NXPH1: variants seen among roughly 807,000 people sequenced by gnomAD.
NXPH1 encodes neurexophilin-1.
In NXPH1, 5 loss-of-function variants were observed where a neutral mutation model predicts 23.7. The observed-to-expected ratio is 0.21, with a 90% CI of 0.11 to 0.44. The LOEUF is 0.44. NXPH1 is among the 20% of genes least tolerant of loss of function. NXPH1 has a pLI of 0.99. For synonymous variants in NXPH1, 144 were observed against 122.2 expected (o/e 1.18, Z -1.18); for missense variants, 324 against 321.6 (o/e 1.01, Z -0.06).
intron 2 of NXPH1, among the ~76,000 whole-genome samples, chr7:8,702,265 G>A (rs927423275): frequency 3.3e-5 from 5 of 151,988 alleles, no homozygotes; most frequent in African/African-American, 1.2e-4. Flanking sequence ...ATCCTAGCTG[G>A]ATCATTACAT....
intron 2 of NXPH1, among the ~76,000 whole-genome samples, chr7:8,704,685 A>G (rs1779676079): frequency 6.6e-6 from 1 of 152,076 alleles, no homozygotes; most frequent in African/African-American, 2.4e-5. Flanking sequence ...TTTTTTGGTT[A>G]TAGATAATTA....
chr7:8,532,468 T>TTGGGGG (rs796667727), intron 2 of NXPH1, among the ~76,000 whole-genome samples: 1 of 20,812 alleles, frequency 4.8e-5, no homozygotes, highest in African/African-American at 1.1e-4. Flanking sequence ...ATATTTTTTT[T>TTGGGGG]GGGGGGGGGG....
At chr7:8,698,842 C>T (rs1779577010) in intron 2 of NXPH1, among the ~76,000 whole-genome samples, 1 of 152,082 alleles carries the variant, frequency 6.6e-6, no homozygotes. Context: ...GCTAATCAGC[C>T]ACTTGTGCTA....
At chr7:8,702,073 G>T (rs1306231027) in intron 2 of NXPH1, among the ~76,000 whole-genome samples, 8 of 148,646 alleles carry the variant, frequency 5.4e-5, no homozygotes, top group African/African-American at 2.0e-4. Context: ...TCTAACTTTT[G>T]TTGTCTGTGT....
rs965351622 is a variant in NXPH1, at chr7:8,527,542, G to A, written c.54+91775G>A. 2.0e-5 allele frequency among the ~76,000 whole-genome samples: 3 copies of A among 152,126 alleles called. No homozygotes were observed. The South Asian group carries it at 6.2e-4, about 31-fold the overall frequency. ...CAAGTTAGATCCACACAATCAGAAG[G>A]GGGAGACCAGTGCAATTAGTTGGGA... On this transcript the variant is annotated intron_variant, in intron 2 of 2. Transcript: ENST00000405863.
At position 8,653,300 on chromosome 7, in the gene NXPH1, T is replaced by A. The variant is rs562078570; in HGVS notation, c.55-97708T>A. ...GTTACAGTACAGTTTCATCTAAGCC[T>A]CATAGACTACATATATTTTAGCAGT... On this transcript the variant is annotated intron_variant, in intron 2 of 2. Coordinates refer to ENST00000405863, the MANE Select transcript of NXPH1 (RefSeq NM_152745.3). Among the ~76,000 whole-genome samples, 4 of 152,316 alleles carry A rather than the reference T, an allele frequency of 2.6e-5. No individual in the cohort carries two copies. The South Asian group carries it at 8.3e-4, about 32-fold the overall frequency.
intron 2 of NXPH1, among the ~76,000 whole-genome samples, chr7:8,523,779 G>A (rs942380976): frequency 1.6e-4 from 24 of 152,090 alleles, no homozygotes; most frequent in Admixed American, 1.4e-3. Flanking sequence ...CAGTTTTGAA[G>A]CCTCATCAGC....
rs112897503 is a variant in NXPH1 at position 8,470,719 on chromosome 7, G to C, written c.54+34952G>C. 3.5e-3 allele frequency among the ~76,000 whole-genome samples: 537 copies of C among 152,232 alleles called. 4 individuals are homozygous for C. The highest frequency in any genetic ancestry group is 0.014 in the Middle Eastern group (4 of 294). On this transcript the variant is annotated intron_variant, in intron 2 of 2. Transcript: ENST00000405863. ...TGGTTTACATATGTATTAGTATGATGGCTGTTTATCAAATTCTTTAAAATG... is the reference window on the plus strand; with the variant it reads ...TGGTTTACATATGTATTAGTATGATCGCTGTTTATCAAATTCTTTAAAATG...
chr7:8,541,218 T>C (rs1184172977), intron 2 of NXPH1, among the ~76,000 whole-genome samples: 1 of 151,480 alleles, frequency 6.6e-6, no homozygotes, highest in Non-Finnish European at 1.5e-5. Context: ...ATATGGAAGA[T>C]ACAAAAAAGA....
chr7:8,738,283 G>A (rs890432466), intron 2 of NXPH1, among the ~76,000 whole-genome samples: 1 of 152,216 alleles, frequency 6.6e-6, no homozygotes, highest in Non-Finnish European at 1.5e-5. Flanking sequence ...GGTCTTTGAT[G>A]TTGGTGACCT....
At chr7:8,730,170 T>G (rs1431906492) in intron 2 of NXPH1, among the ~76,000 whole-genome samples, 1 of 149,294 alleles carries the variant, frequency 6.7e-6, no homozygotes, top group Non-Finnish European at 1.5e-5. Context: ...AACCCCTGCC[T>G]TTTTTTGTTT....
chr7:8,591,048 T>A (rs10276504), intron 2 of NXPH1, among the ~76,000 whole-genome samples: 41,122 of 151,956 alleles, frequency 0.27, 6,127 homozygotes, highest in African/African-American at 0.39. Flanking sequence ...TACCAGGGAA[T>A]AGCTTAGTTT....
intron 2 of NXPH1, among the ~76,000 whole-genome samples, chr7:8,512,279 C>T (rs892593845): frequency 6.6e-6 from 1 of 152,090 alleles, no homozygotes; most frequent in Admixed American, 6.6e-5. Context: ...GAGCTAGATC[C>T]CTTATATTTT....
At chr7:8,447,507 T>C (rs1816426340) in intron 2 of NXPH1, among the ~76,000 whole-genome samples, 1 of 152,246 alleles carries the variant, frequency 6.6e-6, no homozygotes, top group African/African-American at 2.4e-5. Flanking sequence ...GTGTTAGCTT[T>C]TCAACCTTAT....
chr7:8,710,876 A>G (rs1028014099), intron 2 of NXPH1, among the ~76,000 whole-genome samples: 12 of 144,946 alleles, frequency 8.3e-5, no homozygotes, highest in Admixed American at 1.3e-4. Context: ...GTTAGCCAGG[A>G]TGGTCTCGAT....
chr7:8,478,887 A>G lies in NXPH1; in HGVS notation c.54+43120A>G, dbSNP rs147342728. On this transcript the variant is annotated intron_variant, in intron 2 of 2. Coordinates refer to ENST00000405863, the MANE Select transcript of NXPH1 (RefSeq NM_152745.3). ...GAAAATATGAGCCAAAGATTTTTAT[A>G]TCTAGAAAAACTGACTTACAAGTAT... Among the ~76,000 whole-genome samples the G allele has an allele frequency of 2.9e-3, 445 of 152,212 alleles. 2 individuals are homozygous for G. The highest frequency in any genetic ancestry group is 0.01 in the Middle Eastern group (3 of 294).
intron 2 of NXPH1, among the ~76,000 whole-genome samples, chr7:8,615,065 G>A (rs1044976773): frequency 1.3e-5 from 2 of 152,008 alleles, no homozygotes; most frequent in Admixed American, 6.6e-5. Flanking sequence ...CTTTTTACTT[G>A]TTGTGCCTCA....
chr7:8,487,188 T>C (rs1378211828), intron 2 of NXPH1, among the ~76,000 whole-genome samples: 5 of 152,182 alleles, frequency 3.3e-5, no homozygotes, highest in Non-Finnish European at 5.9e-5. Flanking sequence ...CACTGGTTTG[T>C]ATGATGGTAG....
At chr7:8,697,608 T>C (rs1366087793) in intron 2 of NXPH1, among the ~76,000 whole-genome samples, 2 of 152,220 alleles carry the variant, frequency 1.3e-5, no homozygotes, top group Non-Finnish European at 2.9e-5. Flanking sequence ...ATTGGTTGTG[T>C]GATAATTAGT....
Sources: allele counts gnomAD v4.1 joint callset (sites outside exome capture counted in the v4.1 genomes callset), GRCh38; gene constraint gnomAD v4.1.1; transcripts MANE v1.5; gene names NCBI Gene and HGNC (gene_info 2026-07-23, HGNC 2026-07-21).